HECW1: variants seen among roughly 807,000 people sequenced by gnomAD.
HECW1 encodes the protein E3 ubiquitin-protein ligase HECW1.
HECW1 carries 61 observed loss-of-function variants against 182.3 expected under a neutral mutation model. The observed-to-expected ratio is 0.33, with a 90% CI of 0.27 to 0.41. The LOEUF (loss-of-function observed/expected upper bound fraction) is 0.41. Among genes scored for constraint, HECW1 ranks in the 10% least tolerant of loss-of-function variants. The pLI is 1.00. For missense variants in HECW1, 1,739 were observed against 2,108.9 expected, an observed-to-expected ratio of 0.82 and a Z score of 3.44; for synonymous variants, 859 against 832.6, an observed-to-expected ratio of 1.03 and a Z score of -0.55.
chr7:43,383,315 G>A (rs2074635165), intron 6 of HECW1, among the ~76,000 whole-genome samples: 1 of 152,196 alleles, frequency 6.6e-6, no homozygotes, highest in African/African-American at 2.4e-5. Context: ...GGATTGCTGA[G>A]TCAAATGGTA....
chr7:43,331,741 T>C (rs1469635429), intron 5 of HECW1, among the ~76,000 whole-genome samples: 1 of 152,198 alleles, frequency 6.6e-6, no homozygotes, highest in Non-Finnish European at 1.5e-5. Context: ...CCATCACTGT[T>C]GTATCCAGTG....
intron 13 of HECW1, among the ~76,000 whole-genome samples, chr7:43,459,543 G>GTT (rs565413703): frequency 1.4e-3 from 207 of 146,210 alleles, no homozygotes; most frequent in African/African-American, 4.8e-3. Flanking sequence ...GGATGATTTA[G>GTT]TTTTTTTTTT....
intron 6 of HECW1, among the ~76,000 whole-genome samples, chr7:43,388,076 G>T (rs911299195): frequency 2.0e-5 from 3 of 152,154 alleles, no homozygotes; most frequent in Admixed American, 2.0e-4. Context: ...GCAATTGATT[G>T]CCTCACCCTA....
chr7:43,138,826 A>G (rs1787852385), intron 2 of HECW1, among the ~76,000 whole-genome samples: 1 of 152,154 alleles, frequency 6.6e-6, no homozygotes, highest in Admixed American at 6.6e-5. Flanking sequence ...GGTGGGTGAG[A>G]GATTTTAAAT....
intron 24 of HECW1, among the ~76,000 whole-genome samples, chr7:43,531,997 G>C (rs1392975329): frequency 6.6e-6 from 1 of 152,178 alleles, no homozygotes; most frequent in Non-Finnish European, 1.5e-5. Flanking sequence ...TGTGCCCGGA[G>C]GTACTGACTC....
At chr7:43,348,424 C>G (rs147969387) in intron 5 of HECW1, among the ~76,000 whole-genome samples, 15,907 of 151,976 alleles carry the variant, frequency 0.1, 1,025 homozygotes, top group Middle Eastern at 0.29. Context: ...GTTAATCTTG[C>G]TAATGGTCTG....
At chr7:43,157,656 G>T (rs1458314484) in intron 2 of HECW1, among the ~76,000 whole-genome samples, 2 of 152,142 alleles carry the variant, frequency 1.3e-5, no homozygotes, top group African/African-American at 2.4e-5. Context: ...TGTTTCCCAG[G>T]CTTAAGAGAT....
intron 12 of HECW1, among the ~76,000 whole-genome samples, chr7:43,452,555 T>C (rs1215775205): frequency 6.6e-6 from 1 of 152,272 alleles, no homozygotes; most frequent in South Asian, 2.1e-4. Flanking sequence ...TATTCATTCA[T>C]TCAACAAATA....
chr7:43,537,117 G>T (rs772838974), intron 24 of HECW1, among the ~76,000 whole-genome samples: 1 of 152,164 alleles, frequency 6.6e-6, no homozygotes, highest in East Asian at 1.9e-4. Context: ...AACATCGGTC[G>T]AGACTCCTGA....
intron 5 of HECW1, among the ~76,000 whole-genome samples, chr7:43,345,809 C>T (rs202185795): frequency 0.099 from 14,819 of 149,690 alleles, 972 homozygotes; most frequent in East Asian, 0.22. Context: ...TACACACACA[C>T]ACACACACAC....
chr7:43,362,018 G>A (rs1241526199), intron 6 of HECW1, among the ~76,000 whole-genome samples: 1 of 149,562 alleles, frequency 6.7e-6, no homozygotes, highest in East Asian at 2.0e-4. Flanking sequence ...GCAAGCGCCT[G>A]CAATCCCAGC....
At chr7:43,116,779 T>C (rs534143518) in intron 2 of HECW1, among the ~76,000 whole-genome samples, 2 of 152,340 alleles carry the variant, frequency 1.3e-5, no homozygotes, top group East Asian at 3.9e-4. Context: ...AAATGCTCTG[T>C]GGGGTTTTCT....
At chr7:43,543,550 G>A (rs368438768) in intron 26 of HECW1, among the ~76,000 whole-genome samples, 2 of 152,086 alleles carry the variant, frequency 1.3e-5, no homozygotes, top group Admixed American at 1.3e-4. Context: ...AGGCTGAGGT[G>A]GGCAGATCAC....
intron 6 of HECW1, among the ~76,000 whole-genome samples, chr7:43,385,131 C>A (rs1206223232): frequency 6.6e-6 from 1 of 150,596 alleles, no homozygotes; most frequent in African/African-American, 2.4e-5. Context: ...ATCTCTCTTT[C>A]CCTCAACACC....
At chr7:43,277,587 C>A (rs1048616698) in intron 3 of HECW1, among the ~76,000 whole-genome samples, 1 of 152,168 alleles carries the variant, frequency 6.6e-6, no homozygotes, top group Non-Finnish European at 1.5e-5. Context: ...GGATGTCTTT[C>A]CAGCAGCTTC....
At position 43,410,031 on chromosome 7, in the gene HECW1, G is replaced by A. The variant is rs193000692; in HGVS notation, c.801+2300G>A. Among the ~76,000 whole-genome samples, 492 of 152,252 alleles carry A rather than the reference G, an allele frequency of 3.2e-3. 4 individuals carry two copies. The highest frequency in any genetic ancestry group is 0.02 in the Middle Eastern group (6 of 294). On this transcript the variant is annotated intron_variant, in intron 8 of 29. Transcript: ENST00000395891. ...GTGCCGCTGCTGAGTGAGCCCCCAG[G>A]GATCCCAGCTCTCCGGGCCTGCCAC...
intron 11 of HECW1, 121 bp downstream of exon 11, chr7:43,445,691 A>G: frequency 8.1e-7 from 1 of 1,233,880 alleles, no homozygotes; most frequent in Non-Finnish European, 1.1e-6. Context: ...GGGGCAATGT[A>G]TGCCTGTCTT....
At chr7:43,480,386 A>G (rs912096888) in intron 17 of HECW1, among the ~76,000 whole-genome samples, 2 of 151,950 alleles carry the variant, frequency 1.3e-5, no homozygotes, top group African/African-American at 4.8e-5. Flanking sequence ...TTTGCTCCTG[A>G]TCAGTTCCTG....
intron 3 of HECW1, among the ~76,000 whole-genome samples, chr7:43,246,917 T>TA (rs1799431723): frequency 6.6e-6 from 1 of 152,068 alleles, no homozygotes; most frequent in Non-Finnish European, 1.5e-5. Flanking sequence ...TGGGAATGGC[T>TA]AGACCCCTGC....
Sources: allele counts gnomAD v4.1 joint callset (sites outside exome capture counted in the v4.1 genomes callset), GRCh38; gene constraint gnomAD v4.1.1; transcripts MANE v1.5; gene names NCBI Gene and HGNC (gene_info 2026-07-23, HGNC 2026-07-21).